TP63: variants seen among roughly 807,000 people sequenced by gnomAD.
TP63 encodes tumor protein p63.
A neutral mutation model predicts 82.8 loss-of-function variants in TP63; 17 were observed. That is an observed-to-expected ratio of 0.21 (90% CI 0.14 to 0.31). The LOEUF (loss-of-function observed/expected upper bound fraction) is 0.31, where lower values mean the gene tolerates loss of function less well. Among genes scored for constraint, TP63 ranks in the 10% least tolerant of loss-of-function variants. TP63 has a pLI of 1.00. For missense variants in TP63, 648 were observed against 895.3 expected, an observed-to-expected ratio of 0.72 and a Z score of 3.52; for synonymous variants, 330 against 321.7, an observed-to-expected ratio of 1.03 and a Z score of -0.28.
intron 4 of TP63, among the ~76,000 whole-genome samples, chr3:189,840,045 C>T (rs1713749488): frequency 6.6e-6 from 1 of 152,196 alleles, no homozygotes; most frequent in African/African-American, 2.4e-5. Context: ...TCATATAAGA[C>T]ATAAAGAACT....
At chr3:189,829,323 C>T (rs547648776) in intron 4 of TP63, among the ~76,000 whole-genome samples, 5 of 152,294 alleles carry the variant, frequency 3.3e-5, no homozygotes, top group African/African-American at 1.2e-4. Context: ...CAATACACTA[C>T]AGAGATTGCC....
chr3:189,751,991 G>A (rs1183990520), intron 3 of TP63, among the ~76,000 whole-genome samples: 1 of 151,906 alleles, frequency 6.6e-6, no homozygotes, highest in Non-Finnish European at 1.5e-5. Flanking sequence ...AACCATTTGG[G>A]CCTAAGATTT....
chr3:189,879,314 A>G (rs1373079299), intron 10 of TP63, among the ~76,000 whole-genome samples: 1 of 152,252 alleles, frequency 6.6e-6, no homozygotes, highest in Non-Finnish European at 1.5e-5. Context: ...CCCAACTTTC[A>G]GCAAAATAAA....
chr3:189,620,278 A>C, the TP63 span, among the ~76,000 whole-genome samples: 1 of 152,060 alleles, frequency 6.6e-6, no homozygotes, highest in South Asian at 2.1e-4. Context: ...TAATCCCAGC[A>C]CTTTGGGAGG....
rs776227150 is a variant in TP63 at position 189,895,401 on chromosome 3, T to G, written c.*899T>G. On this transcript the variant is annotated 3_prime_UTR_variant, in exon 14 of 14. Coordinates refer to ENST00000264731, the MANE Select transcript of TP63 (RefSeq NM_003722.5). ...TACCAGATACCTTATCTTACAATAT[T>G]GATTGGGAAAACATTTGCTGCCATT... 2.3e-5 allele frequency: 5 copies of G among 217,172 alleles called. No homozygotes were observed. The highest frequency in any genetic ancestry group is 5.8e-5 in the Admixed American group (1 of 17,242). 13.5% of individuals were successfully genotyped at this position (217,172 alleles called of 1,614,324 possible). A position where few individuals can be genotyped will look rare whatever the true frequency, so the allele number is the denominator to read the frequency against.
At chr3:189,703,295 G>A (rs1404771957) in intron 1 of TP63, among the ~76,000 whole-genome samples, 6 of 152,306 alleles carry the variant, frequency 3.9e-5, no homozygotes, top group Non-Finnish European at 7.4e-5. Context: ...TTAGCTGGTC[G>A]TGGGGGCATG....
intron 3 of TP63, among the ~76,000 whole-genome samples, chr3:189,788,582 G>C (rs1213813147): frequency 2.0e-5 from 3 of 151,728 alleles, no homozygotes; most frequent in African/African-American, 7.3e-5. Context: ...CCCTGAGTGG[G>C]GGGTGGGGGT....
At chr3:189,737,967 G>A (rs1720716997) in intron 2 of TP63, 99 bp downstream of exon 2, 4 of 1,459,792 alleles carry the variant, frequency 2.7e-6, no homozygotes, top group Non-Finnish European at 2.8e-6. Flanking sequence ...TCTAGAATCA[G>A]TAGAAGTTAT....
intron 1 of TP63, among the ~76,000 whole-genome samples, chr3:189,725,789 C>G (rs1719733494): frequency 6.6e-6 from 1 of 152,198 alleles, no homozygotes; most frequent in African/African-American, 2.4e-5. Context: ...GGTGTGGTGG[C>G]TCACACCTGT....
chr3:189,817,262 TTGAG>T (rs1728288592), intron 4 of TP63, among the ~76,000 whole-genome samples: 1 of 152,144 alleles, frequency 6.6e-6, no homozygotes, highest in Non-Finnish European at 1.5e-5. Flanking sequence ...GACTTTTCCT[TTGAG>T]TGGTTTCCAA....
At chr3:189,764,678 A>G (rs1722809040) in intron 3 of TP63, among the ~76,000 whole-genome samples, 1 of 152,206 alleles carries the variant, frequency 6.6e-6, no homozygotes, top group African/African-American at 2.4e-5. Flanking sequence ...AGATTAAAAA[A>G]AATAGTTCTA....
chr3:189,607,066 C>G, the TP63 span, among the ~76,000 whole-genome samples: 1 of 152,030 alleles, frequency 6.6e-6, no homozygotes, highest in Non-Finnish European at 1.5e-5. Flanking sequence ...GAACCAGGTG[C>G]CAGTGAGAAA....
At chr3:189,666,137 A>G (rs1714372358) in intron 1 of TP63, among the ~76,000 whole-genome samples, 1 of 152,084 alleles carries the variant, frequency 6.6e-6, no homozygotes, top group African/African-American at 2.4e-5. Context: ...TAGCCATAAG[A>G]TACTTATCAA....
intron 3 of TP63, among the ~76,000 whole-genome samples, chr3:189,776,873 G>A (rs138015207): frequency 6.6e-6 from 1 of 152,314 alleles, no homozygotes; most frequent in East Asian, 1.9e-4. Context: ...TTTGGTGATA[G>A]CAATAGCAGA....
At chr3:189,729,956 G>C (rs1257323001) in intron 1 of TP63, among the ~76,000 whole-genome samples, 4 of 152,172 alleles carry the variant, frequency 2.6e-5, no homozygotes, top group Non-Finnish European at 5.9e-5. Context: ...AGTAATGGCA[G>C]GGTAAATTCT....
Position 189,895,451 on chromosome 3 carries a change from A to G in TP63, c.*949A>G, listed in dbSNP as rs1027762045. The G allele has an allele frequency of 3.2e-5, 7 of 218,626 alleles. No individual in the cohort carries two copies. Among genetic ancestry groups the G allele is most frequent in the African/African-American group, 1.6e-4 (7 of 44,600 alleles). The allele number at this position is 218,626 out of a possible 1,614,324, so 13.5% of individuals were successfully genotyped here. A position where few individuals can be genotyped will look rare whatever the true frequency, so the allele number is the denominator to read the frequency against. On this transcript the variant is annotated 3_prime_UTR_variant, in exon 14 of 14. Transcript: ENST00000264731. ...TACAGAGGTATTAAAACTAAATTTC[A>G]CTACTAGATTGACTAACTCAAATAC...
intron 1 of TP63, among the ~76,000 whole-genome samples, chr3:189,736,904 C>T (rs1214314198): frequency 6.6e-6 from 1 of 152,010 alleles, no homozygotes; most frequent in South Asian, 2.1e-4. Context: ...ATTATCACAA[C>T]AAATCACATA....
intron 4 of TP63, among the ~76,000 whole-genome samples, chr3:189,826,393 G>A (rs992338450): frequency 3.3e-5 from 5 of 152,196 alleles, no homozygotes; most frequent in South Asian, 2.1e-4. Context: ...ACACCGTGAT[G>A]TAAACAATGA....
At chr3:189,819,668 A>G (rs1275344472) in intron 4 of TP63, among the ~76,000 whole-genome samples, 1 of 152,172 alleles carries the variant, frequency 6.6e-6, no homozygotes, top group African/African-American at 2.4e-5. Flanking sequence ...TCAACATCCA[A>G]GAGTTACCAA....
Sources: gnomAD v4.1 joint callset for allele counts (sites outside exome capture counted in the v4.1 genomes callset) on GRCh38, gnomAD v4.1.1 for gene constraint, MANE v1.5 for transcripts, NCBI Gene and HGNC (gene_info 2026-07-23, HGNC 2026-07-21) for gene names.